TACR1: variants seen among roughly 807,000 people sequenced by gnomAD.
The protein encoded by TACR1 is tachykinin receptor 1.
A neutral mutation model predicts 35.8 loss-of-function variants in TACR1; 25 were observed. The observed-to-expected ratio is 0.70, with a 90% confidence interval of 0.51 to 0.98. The LOEUF is 0.98. Ranked by LOEUF, TACR1 falls within the 50% of genes least tolerant of loss-of-function variation. TACR1 has a pLI of 0.00. For missense variants in TACR1, 478 were observed against 522.9 expected, an observed-to-expected ratio of 0.91 and a Z score of 0.84; for synonymous variants, 195 against 206.7, an observed-to-expected ratio of 0.94 and a Z score of 0.48.
chr2:75,101,701 A>T lies in TACR1; in HGVS notation c.584+18873T>A, dbSNP rs190480475. On this transcript the variant is annotated intron_variant, in intron 2 of 4. Coordinates refer to ENST00000305249, the MANE Select transcript of TACR1 (RefSeq NM_001058.4). ...GGTGGCTCACACCTGTAATCCCAGC[A>T]CTTTGGGAGGCCAAGGCAGGCAGAT... 1.2e-4 allele frequency among the ~76,000 whole-genome samples: 19 copies of T among 152,326 alleles called. No homozygotes were observed. In the East Asian group the frequency reaches 3.5e-3, roughly 28 times the overall value.
At chr2:75,146,243 C>T (rs190518861) in intron 1 of TACR1, among the ~76,000 whole-genome samples, 8 of 152,246 alleles carry the variant, frequency 5.3e-5, no homozygotes, top group Admixed American at 4.6e-4. Context: ...CCATCTCAGC[C>T]TCTTGAGTAG....
At position 75,198,718 on chromosome 2, in the gene TACR1, T is replaced by A. The variant is rs759108653; in HGVS notation, c.217A>T (p.Asn73Tyr). ...MRTVTNYFLVNLAFAEASMAA... is the reference protein window; with the variant it reads ...MRTVTNYFLVYLAFAEASMAA... ...ATGGAGGCCTCCGCGAAGGCCAGGT[T>A]CACCAGAAAATAGTTCGTCACTGTC... The change falls in exon 1 of 5, where the codon AAC (asparagine) becomes TAC (tyrosine). Residue 73 changes from asparagine to tyrosine, a missense_variant. Physicochemically the swap from Asn to Tyr is moderately radical, Grantham distance 143. Transcript: ENST00000305249. The A allele has an allele frequency of 6.8e-6, 11 of 1,614,222 alleles. No individual in the cohort carries two copies. The highest frequency in any genetic ancestry group is 9.3e-6 in the Non-Finnish European group (11 of 1,180,030).
At chr2:75,147,961 T>C (rs893504249) in intron 1 of TACR1, among the ~76,000 whole-genome samples, 10 of 152,116 alleles carry the variant, frequency 6.6e-5, no homozygotes, top group African/African-American at 2.2e-4. Context: ...TTAGCCAGGA[T>C]GGTCTTGATC....
chr2:75,185,700 A>C (rs2104064130), intron 1 of TACR1, among the ~76,000 whole-genome samples: 1 of 152,334 alleles, frequency 6.6e-6, no homozygotes, highest in East Asian at 1.9e-4. Context: ...GAACACTCCA[A>C]TATGTTGGAT....
chr2:75,051,921 G>C (rs961900171), intron 3 of TACR1, among the ~76,000 whole-genome samples: 1 of 152,108 alleles, frequency 6.6e-6, no homozygotes, highest in Non-Finnish European at 1.5e-5. Context: ...GGCTGGGTGG[G>C]CGGGCACAGC....
intron 2 of TACR1, among the ~76,000 whole-genome samples, chr2:75,093,390 C>G (rs965677972): frequency 1.3e-5 from 2 of 152,196 alleles, no homozygotes; most frequent in African/African-American, 4.8e-5. Flanking sequence ...GCCTTGCTCT[C>G]TTAGCTAGAT....
chr2:75,153,383 A>G (rs1459680015), intron 1 of TACR1, among the ~76,000 whole-genome samples: 1 of 127,688 alleles, frequency 7.8e-6, no homozygotes, highest in Non-Finnish European at 1.8e-5. Context: ...TTCTCAGAAG[A>G]TAGTCCTGAC....
intron 1 of TACR1, chr2:75,154,403 C>CGCGCGCGCGCGT (rs1480182310): frequency 1.1e-5 from 1 of 88,078 alleles, no homozygotes; most frequent in Non-Finnish European, 2.5e-5. Context: ...CAGCCAAGAG[C>CGCGCGCGCGCGT]GCGCACGCAC....
chr2:75,158,435 T>C (rs991218374), intron 1 of TACR1, among the ~76,000 whole-genome samples: 1 of 152,196 alleles, frequency 6.6e-6, no homozygotes, highest in African/African-American at 2.4e-5. Context: ...TTTTCTAAAA[T>C]ATCAAAAAAT....
At chr2:75,185,694 A>G (rs1040153406) in intron 1 of TACR1, among the ~76,000 whole-genome samples, 4 of 152,210 alleles carry the variant, frequency 2.6e-5, no homozygotes, top group Non-Finnish European at 4.4e-5. Flanking sequence ...ATAAAGGAAC[A>G]CTCCAATATG....
intron 1 of TACR1, among the ~76,000 whole-genome samples, chr2:75,147,138 C>T (rs965380325): frequency 2.0e-5 from 3 of 152,200 alleles, no homozygotes; most frequent in Non-Finnish European, 2.9e-5. Context: ...TCCTGTTTGT[C>T]TAAGCAGATG....
intron 1 of TACR1, among the ~76,000 whole-genome samples, chr2:75,183,616 G>C (rs1675613068): frequency 6.6e-6 from 1 of 152,154 alleles, no homozygotes; most frequent in African/African-American, 2.4e-5. Context: ...CCGAAGTTCT[G>C]CTCACTGAGA....
At chr2:75,083,812 T>G (rs1414809694) in intron 2 of TACR1, among the ~76,000 whole-genome samples, 5 of 152,240 alleles carry the variant, frequency 3.3e-5, no homozygotes, top group Non-Finnish European at 5.9e-5. Flanking sequence ...CTTATCAGCT[T>G]AAGGAGATTT....
At chr2:75,134,650 A>G (rs1435484410) in intron 1 of TACR1, among the ~76,000 whole-genome samples, 1 of 152,238 alleles carries the variant, frequency 6.6e-6, no homozygotes, top group Non-Finnish European at 1.5e-5. Context: ...AGGCCACAGC[A>G]TATACAGAAG....
intron 2 of TACR1, among the ~76,000 whole-genome samples, chr2:75,093,582 C>A (rs1162063667): frequency 1.3e-5 from 2 of 152,136 alleles, no homozygotes; most frequent in South Asian, 4.2e-4. Flanking sequence ...CCTGAGCCCA[C>A]CCATCTGCGT....
chr2:75,177,220 C>A (rs544884023), intron 1 of TACR1, among the ~76,000 whole-genome samples: 37 of 152,162 alleles, frequency 2.4e-4, no homozygotes, highest in African/African-American at 8.9e-4. Context: ...GAAGCCATTT[C>A]TTGACTCATT....
chr2:75,143,958 G>A (rs1674457647), intron 1 of TACR1, among the ~76,000 whole-genome samples: 1 of 152,162 alleles, frequency 6.6e-6, no homozygotes, highest in African/African-American at 2.4e-5. Flanking sequence ...CGTGTAGAGG[G>A]AATATTCTAA....
intron 1 of TACR1, among the ~76,000 whole-genome samples, chr2:75,165,011 G>T (rs1057013881): frequency 6.6e-6 from 1 of 152,212 alleles, no homozygotes; most frequent in Non-Finnish European, 1.5e-5. Context: ...GATGTGTGGA[G>T]GGGTGGATGC....
chr2:75,142,052 C>T (rs1373010974), intron 1 of TACR1, among the ~76,000 whole-genome samples: 1 of 152,192 alleles, frequency 6.6e-6, no homozygotes, highest in Non-Finnish European at 1.5e-5. Flanking sequence ...CTGCTTTCAG[C>T]CCTCTTTTAT....
Sources: allele counts gnomAD v4.1 joint callset (sites outside exome capture counted in the v4.1 genomes callset), GRCh38; gene constraint gnomAD v4.1.1; transcripts MANE v1.5; gene names NCBI Gene and HGNC (gene_info 2026-07-23, HGNC 2026-07-21).